CLEC12A: variants seen among roughly 807,000 people sequenced by gnomAD.
CLEC12A encodes C-type lectin domain family 12 member A.
Under a neutral mutation model 26.5 loss-of-function variants are expected in CLEC12A, and 22 were observed. The ratio of observed to expected loss-of-function variants is 0.83; its 90% CI spans 0.59 to 1.19. CLEC12A has a LOEUF of 1.19. CLEC12A is among the 50% of genes most tolerant of loss of function. CLEC12A has a pLI of 0.00. For missense variants in CLEC12A, 353 were observed against 315.6 expected (o/e 1.12, Z -0.90); for synonymous variants, 119 against 101.9 (o/e 1.17, Z -1.01).
intron 5 of CLEC12A, 81 bp from the exon 6 acceptor site, chr12:9,984,789 G>C (rs2137209612): frequency 4.0e-6 from 5 of 1,257,602 alleles, no homozygotes; most frequent in East Asian, 5.9e-5. Flanking sequence ...ATAATATCAT[G>C]TTGGAAGTGT....
At chr12:9,964,714 G>A (rs760044081) in intron 1 of CLEC12A, among the ~76,000 whole-genome samples, 7 of 152,114 alleles carry the variant, frequency 4.6e-5, no homozygotes, top group Non-Finnish European at 1.0e-4. Context: ...AGATTTCCAC[G>A]ATGGAAAGGA....
Position 9,985,050 on chromosome 12 carries a change from G to C in CLEC12A, c.*24G>C. On this transcript the variant is annotated 3_prime_UTR_variant, in exon 6 of 6. Coordinates refer to ENST00000304361, the MANE Select transcript of CLEC12A (RefSeq NM_138337.6). ...GAGGCATCAATCAAATACATTTAAG[G>C]AGTGTAGGGGGTGGGGGTTCTAGGC... 6.9e-7 allele frequency: 1 copy of C among 1,456,490 alleles called. No individual in the cohort carries two copies. Among genetic ancestry groups the C allele is most frequent in the South Asian group, 1.5e-5 (1 of 65,206 alleles). The allele number at this position is 1,456,490 out of a possible 1,614,324, so 90.2% of individuals were successfully genotyped here. A position where few individuals can be genotyped will look rare whatever the true frequency, so the allele number is the denominator to read the frequency against.
chr12:9,995,604 T>C (rs3818343), exon 5 of CLEC12A: 27,775 of 340,076 alleles, frequency 0.082, 1,273 homozygotes, highest in East Asian at 0.15. Flanking sequence ...AGAAATACAT[T>C]GTTGATGAGC....
chr12:10,005,392 G>A, the CLEC12A span, among the ~76,000 whole-genome samples: 18 of 152,306 alleles, frequency 1.2e-4, no homozygotes, highest in Non-Finnish European at 2.1e-4. Context: ...GTTTGTTTAA[G>A]CTTCACTGTC....
At chr12:9,990,440 A>T (rs1412976762), downstream of CLEC12A, among the ~76,000 whole-genome samples, 3 of 152,328 alleles carry the variant, frequency 2.0e-5, no homozygotes, top group East Asian at 5.8e-4. Context: ...CAGTGGTGGA[A>T]GTAACTGCAG....
chr12:9,997,074 C>T (rs1865069898), downstream of CLEC12A: 2 of 1,609,050 alleles, frequency 1.2e-6, no homozygotes, highest in Non-Finnish European at 1.7e-6. Flanking sequence ...TCAATGTTTT[C>T]TGCAGATCTC....
chr12:9,985,625 G>C, downstream of CLEC12A: 1 of 395,092 alleles, frequency 2.5e-6, no homozygotes, highest in Non-Finnish European at 4.5e-6. Context: ...TTTAACTTCT[G>C]TGTGTTGAGC....
chr12:9,996,787 G>A (rs1231667461), downstream of CLEC12A: 3 of 1,567,102 alleles, frequency 1.9e-6, no homozygotes, highest in South Asian at 1.1e-5. Flanking sequence ...AAGGTCAAGT[G>A]TTACATTTGA....
At chr12:9,962,502 A>G (rs2137108338) in intron 1 of CLEC12A, among the ~76,000 whole-genome samples, 1 of 152,004 alleles carries the variant, frequency 6.6e-6, no homozygotes, top group Admixed American at 6.5e-5. Context: ...TGTTTATTTC[A>G]CCTGGGTGCA....
rs187985042 is a variant in CLEC12A at position 9,964,906 on chromosome 12, G to A, written c.11-6671G>A. 2.9e-3 allele frequency among the ~76,000 whole-genome samples: 440 copies of A among 152,270 alleles called. 1 individual carries two copies. Among genetic ancestry groups the A allele is most frequent in the Non-Finnish European group, 4.9e-3 (334 of 68,024 alleles). On this transcript the variant is annotated intron_variant, in intron 1 of 6. Transcript: ENST00000355690. ...ATGTCAGGTGAATCAGAGAGATACA[G>A]TCATAGGGGTCAGGTGTGGTATCCA... is the stretch of plus-strand genomic sequence containing the variant.
the CLEC12A span, among the ~76,000 whole-genome samples, chr12:10,005,922 C>CAATTTAGTTCATT: frequency 6.6e-6 from 1 of 151,424 alleles, no homozygotes; most frequent in Non-Finnish European, 1.5e-5. Context: ...TGGGTACTTT[C>CAATTTAGTTCATT]CCATTTAAAC....
At position 9,976,981 on chromosome 12, in the gene CLEC12A, C is replaced by T. The variant is rs1205609152; in HGVS notation, c.92-1985C>T. Reference sequence around the variant, plus strand: ...CTTCCACCATGATTGTGAGGCCTCCCCAGCCGCGTGAAACTGTGAATCCAT... The same window carrying T: ...CTTCCACCATGATTGTGAGGCCTCCTCAGCCGCGTGAAACTGTGAATCCAT... On this transcript the variant is annotated intron_variant, in intron 1 of 5. Transcript: ENST00000304361. Among the ~76,000 whole-genome samples the T allele has an allele frequency of 1.6e-3, 246 of 152,198 alleles. 2 individuals carry two copies. Among genetic ancestry groups the T allele is most frequent in the East Asian group, 1.4e-3 (7 of 5,180 alleles).
chr12:9,967,307 T>G (rs1265228406), upstream of CLEC12A, among the ~76,000 whole-genome samples: 1 of 152,054 alleles, frequency 6.6e-6, no homozygotes, highest in African/African-American at 2.4e-5. Flanking sequence ...AAAGAATGCC[T>G]GGACGTCAGG....
rs1864718801 is a variant in CLEC12A at position 9,985,024 on chromosome 12, T to G, written c.796T>G (p.Ter266GlyextTer18). ...TGGTTCTACATATTTTAGGGAGGCATGAGGCATCAATCAAATACATTTAAG... is the reference window on the plus strand; with the variant it reads ...TGGTTCTACATATTTTAGGGAGGCAGGAGGCATCAATCAAATACATTTAAG... ...QLGSTYFREA[*>G] Residue 266 changes from the stop codon to glycine (G), a stop_lost, in exon 6 of 6, where the codon TGA (stop) becomes GGA (glycine). Transcript: ENST00000304361. 1.3e-6 allele frequency: 2 copies of G among 1,512,984 alleles called. No homozygotes were observed. Among genetic ancestry groups the G allele is most frequent in the South Asian group, 2.6e-5 (2 of 76,046 alleles). The allele number at this position is 1,512,984 out of a possible 1,614,324, so 93.7% of individuals were successfully genotyped here.
At chr12:9,986,484 G>A (rs1323575515), downstream of CLEC12A, among the ~76,000 whole-genome samples, 2 of 146,876 alleles carry the variant, frequency 1.4e-5, no homozygotes, top group Non-Finnish European at 3.0e-5. Flanking sequence ...ATAAGTTTTC[G>A]GCTTATTATA....
Position 9,971,550 on chromosome 12 carries a change from CT to C in CLEC12A, c.-42del. The C allele has an allele frequency of 6.3e-7, 1 of 1,582,572 alleles. No homozygotes were observed. The highest frequency in any genetic ancestry group is 1.2e-5 in the South Asian group (1 of 84,918). On this transcript the variant is annotated 5_prime_UTR_variant, in exon 1 of 6. Coordinates refer to ENST00000304361, the MANE Select transcript of CLEC12A (RefSeq NM_138337.6). ...CATTCAGCTCTGTTAACTCACTCAT[CT>C]TTTTGTGTTTTTACACTTTGTCAAG...
chr12:9,959,468 G>A (rs1332594357), intron 1 of CLEC12A, among the ~76,000 whole-genome samples: 6 of 140,620 alleles, frequency 4.3e-5, no homozygotes, highest in East Asian at 2.1e-4. Flanking sequence ...AAAAAAAAAA[G>A]AAGAAAGAAA....
intron 1 of CLEC12A, among the ~76,000 whole-genome samples, chr12:9,965,647 AT>A (rs760422925): frequency 5.3e-5 from 8 of 152,038 alleles, no homozygotes; most frequent in Non-Finnish European, 8.8e-5. Flanking sequence ...AGGCAAAACA[AT>A]TTGGTTGATA....
chr12:9,983,475 A>G, intron 5 of CLEC12A: 1 of 692,360 alleles, frequency 1.4e-6, no homozygotes, highest in Non-Finnish European at 2.6e-6. Flanking sequence ...CTTTACATAT[A>G]AAAATAGTGG....
Sources: allele counts gnomAD v4.1 joint callset (sites outside exome capture counted in the v4.1 genomes callset), GRCh38; gene constraint gnomAD v4.1.1; transcripts MANE v1.5; gene names NCBI Gene and HGNC (gene_info 2026-07-23, HGNC 2026-07-21).